ISG20: variants seen among roughly 807,000 people sequenced by gnomAD.
The protein encoded by ISG20 is interferon-stimulated gene 20 kDa protein.
In ISG20, 8 loss-of-function variants were observed where a neutral mutation model predicts 11.1. The observed-to-expected ratio is 0.72, with a 90% confidence interval of 0.42 to 1.30. The LOEUF (loss-of-function observed/expected upper bound fraction) is 1.30. Ranked by LOEUF, ISG20 falls within the 50% of genes most tolerant of loss-of-function variation. The pLI, the probability that ISG20 is intolerant of heterozygous loss-of-function variation, is 0.01. For synonymous variants in ISG20, 110 were observed against 101.7 expected, an observed-to-expected ratio of 1.08 and a Z score of -0.49; for missense variants, 243 against 250.2, an observed-to-expected ratio of 0.97 and a Z score of 0.19.
chr15:88,648,261 G>A (rs984372555), intron 2 of ISG20: 3 of 152,298 alleles, frequency 2.0e-5, no homozygotes, highest in Non-Finnish European at 4.4e-5. Flanking sequence ...GCTCTGGACT[G>A]CTCAGCGGGA....
chr15:88,655,780 C>G lies in ISG20; in HGVS notation c.*249C>G. The G allele has an allele frequency of 2.8e-6, 1 of 353,850 alleles. No homozygotes were observed. 21.9% of individuals were successfully genotyped at this position (353,850 alleles called of 1,614,324 possible). ...GGGCAAGTATCAATTTCCTTAATAT[C>G]TTGAATCCTGTGGGTCCAAAATGTG... is the stretch of plus-strand genomic sequence containing the variant. On this transcript the variant is annotated 3_prime_UTR_variant, in exon 4 of 4. Coordinates refer to ENST00000306072, the MANE Select transcript of ISG20 (RefSeq NM_002201.6).
chr15:88,639,728 C>G lies in ISG20; in HGVS notation c.228+134C>G. ...TCCCACACTGCTGTTGGGAGAAAGC[C>G]GGTGGTGTCTCCATCACATCCTGGA... On this transcript the variant is annotated intron_variant, in intron 2 of 3. Coordinates refer to ENST00000306072, the MANE Select transcript of ISG20 (RefSeq NM_002201.6). This position sits in a 1 kb window ranked among gnomAD's most constrained non-coding sequence, Gnocchi z 4.2. 1 of 682,772 alleles carries G rather than the reference C, an allele frequency of 1.5e-6. No homozygotes were observed. The highest frequency in any genetic ancestry group is 1.8e-5 in the South Asian group (1 of 55,030). The allele number at this position is 682,772 out of a possible 1,614,324, so 42.3% of individuals were successfully genotyped here.
intron 3 of ISG20, 33 bp from the exon 4 acceptor site, chr15:88,655,382 T>C: frequency 6.3e-7 from 1 of 1,595,320 alleles, no homozygotes; most frequent in African/African-American, 1.3e-5. Flanking sequence ...TTCAGCCTCA[T>C]CCCAAGTCCC....
At chr15:88,654,210 A>C (rs2058336230) in intron 3 of ISG20, among the ~76,000 whole-genome samples, 1 of 151,758 alleles carries the variant, frequency 6.6e-6, no homozygotes, top group Admixed American at 6.6e-5. Flanking sequence ...AGAACACATA[A>C]CCTCCCTGTG....
chr15:88,641,701 G>T (rs559860342), intron 2 of ISG20, among the ~76,000 whole-genome samples: 13 of 152,134 alleles, frequency 8.5e-5, no homozygotes, highest in African/African-American at 3.1e-4. Flanking sequence ...GCAGGATCTG[G>T]GCTCACTGCA....
intron 2 of ISG20, among the ~76,000 whole-genome samples, chr15:88,644,363 G>A (rs536298418): frequency 2.6e-5 from 4 of 151,610 alleles, no homozygotes; most frequent in Admixed American, 6.6e-5. Context: ...GTGAAACCCC[G>A]TCTCTACTAA....
rs568566734 is a variant in ISG20 at position 88,646,234 on chromosome 15, C to G, written c.229-5876C>G. ...AGATGATTAAATAGTACAGGTGTAT[C>G]CAGCCCTGTGGCCCAGGTGCTATTC... On this transcript the variant is annotated intron_variant, in intron 2 of 3. Coordinates refer to ENST00000306072, the MANE Select transcript of ISG20 (RefSeq NM_002201.6). Among the ~76,000 whole-genome samples the G allele has an allele frequency of 4.6e-5, 7 of 152,336 alleles. No individual in the cohort carries two copies. In the South Asian group the frequency reaches 1.4e-3, roughly 32 times the overall value.
At position 88,639,691 on chromosome 15, in the gene ISG20, A is replaced by C. The variant is rs2058049031; in HGVS notation, c.228+97A>C. ...GTGCCCATCTGTGACCTGTGACCCC[A>C]CTTGTAAGATTTCCCACACTGCTGT... On this transcript the variant is annotated intron_variant, in intron 2 of 3. Transcript: ENST00000306072. The surrounding 1 kb of genome is among the most constrained non-coding windows in gnomAD (Gnocchi z 4.2). 2.2e-6 allele frequency: 2 copies of C among 919,188 alleles called. No individual in the cohort carries two copies. Among genetic ancestry groups the C allele is most frequent in the Admixed American group, 4.6e-5 (2 of 43,180 alleles). 56.9% of individuals were successfully genotyped at this position (919,188 alleles called of 1,614,324 possible). A position where few individuals can be genotyped will look rare whatever the true frequency, so the allele number is the denominator to read the frequency against.
chr15:88,639,080 A>G lies in ISG20; in HGVS notation c.-25+4A>G, dbSNP rs1435512708. On this transcript the variant is annotated splice_donor_region_variant and intron_variant, in intron 1 of 3. Coordinates refer to ENST00000306072, the MANE Select transcript of ISG20 (RefSeq NM_002201.6). This position sits in a 1 kb window ranked among gnomAD's most constrained non-coding sequence, Gnocchi z 4.2. ...CTGAGGGCGCAGAGGCAGGCAGGTG[A>G]GAGCGGGAGCTGGAGCAGCAGCTGG... is the stretch of plus-strand genomic sequence containing the variant. The G allele has an allele frequency of 1.1e-5, 6 of 527,698 alleles. No homozygotes were observed. The highest frequency in any genetic ancestry group is 6.7e-6 in the Non-Finnish European group (2 of 296,394). 32.7% of individuals were successfully genotyped at this position (527,698 alleles called of 1,614,324 possible). A position where few individuals can be genotyped will look rare whatever the true frequency, so the allele number is the denominator to read the frequency against.
intron 2 of ISG20, among the ~76,000 whole-genome samples, chr15:88,640,590 A>ATAGTAGT (rs2141388795): frequency 6.6e-6 from 1 of 152,314 alleles, no homozygotes; most frequent in Admixed American, 6.5e-5. Flanking sequence ...AAGAAGGATA[A>ATAGTAGT]TAGTAGTAGC....
intron 2 of ISG20, chr15:88,651,324 C>T (rs1036472459): frequency 2.1e-6 from 2 of 971,584 alleles, no homozygotes; most frequent in Admixed American, 6.2e-5. Context: ...AGGAAGCCAT[C>T]AACTTAGTGA....
Position 88,639,572 on chromosome 15 carries a change from C to A in ISG20, c.206C>A (p.Pro69Gln), listed in dbSNP as rs1419971028. The change falls in exon 2 of 4, where the codon CCA becomes CAA. Residue 69 changes from proline to glutamine, a missense_variant. Pro to Gln is a moderately conservative substitution (Grantham distance 76). Transcript: ENST00000306072. The surrounding 1 kb of genome is among the most constrained non-coding windows in gnomAD (Gnocchi z 4.2). ...CCTCAGCACATGGTGGGGGCCACAC[C>A]ATTTGCCGTGGCCAGGCTAGAGGTG... ...VTPQHMVGATPFAVARLEILQ... is the reference protein window; with the variant it reads ...VTPQHMVGATQFAVARLEILQ... 1.2e-6 allele frequency: 2 copies of A among 1,614,040 alleles called. No homozygotes were observed. The highest frequency in any genetic ancestry group is 2.7e-5 in the African/African-American group (2 of 74,928).
rs1302714693 is a variant in ISG20, at chr15:88,650,129, A to C, written c.229-1981A>C. 5.5e-6 allele frequency: 5 copies of C among 909,342 alleles called. No homozygotes were observed. The East Asian group carries it at 7.9e-5, about 14-fold the overall frequency. The allele number at this position is 909,342 out of a possible 1,614,324, so 56.3% of individuals were successfully genotyped here. Reference sequence around the variant, plus strand: ...TGTACAGGCTAAGGTCGTGGGCTACATGCAGAGAAGGAGACGAAGGCTGTC... The same window carrying C: ...TGTACAGGCTAAGGTCGTGGGCTACCTGCAGAGAAGGAGACGAAGGCTGTC... On this transcript the variant is annotated intron_variant, in intron 2 of 3. Transcript: ENST00000306072. The surrounding 1 kb of genome is among the most constrained non-coding windows in gnomAD (Gnocchi z 4.0).
rs763059762 is a variant in ISG20 at position 88,639,817 on chromosome 15, C to G, written c.228+223C>G. 1.3e-4 allele frequency among the ~76,000 whole-genome samples: 20 copies of G among 152,208 alleles called. No homozygotes were observed. The highest frequency in any genetic ancestry group is 2.6e-4 in the Non-Finnish European group (18 of 68,036). On this transcript the variant is annotated intron_variant, in intron 2 of 3. Transcript: ENST00000306072. The surrounding 1 kb of genome is among the most constrained non-coding windows in gnomAD (Gnocchi z 4.2). ...TGGAAGCCGCCTTTGGGGCATCTAT[C>G]TGGATCTGGTCCAACTTGCCGGTCT...
At position 88,650,063 on chromosome 15, in the gene ISG20, G is replaced by C. The variant is rs1437193804; in HGVS notation, c.229-2047G>C. 1 of 608,462 alleles carries C rather than the reference G, an allele frequency of 1.6e-6. No individual in the cohort carries two copies. Among genetic ancestry groups the C allele is most frequent in the Non-Finnish European group, 2.9e-6 (1 of 339,252 alleles). 37.7% of individuals were successfully genotyped at this position (608,462 alleles called of 1,614,324 possible). On this transcript the variant is annotated intron_variant, in intron 2 of 3. Coordinates refer to ENST00000306072, the MANE Select transcript of ISG20 (RefSeq NM_002201.6). This position sits in a 1 kb window ranked among gnomAD's most constrained non-coding sequence, Gnocchi z 4.0. Reference sequence around the variant, plus strand: ...GCTGGCTATCTAGAAGGAGAAGCAGGCTACGGGGAAGGTGTTAGGCACCAG... The same window carrying C: ...GCTGGCTATCTAGAAGGAGAAGCAGCCTACGGGGAAGGTGTTAGGCACCAG...
At chr15:88,655,307 G>A (rs2058355554) in intron 3 of ISG20, 108 bp from the exon 4 acceptor site, 15 of 972,538 alleles carry the variant, frequency 1.5e-5, no homozygotes, top group Non-Finnish European at 2.4e-5. Flanking sequence ...CTCACCCACT[G>A]ACCCACCTGG....
upstream of ISG20, chr15:88,637,314 G>T (rs2057999682): frequency 6.7e-6 from 1 of 148,238 alleles, no homozygotes; most frequent in South Asian, 2.2e-4. Flanking sequence ...TCTGGAAACT[G>T]CCTGGAGTTG....
chr15:88,636,885 A>G (rs1389826486), upstream of ISG20, among the ~76,000 whole-genome samples: 2 of 152,122 alleles, frequency 1.3e-5, no homozygotes, highest in Admixed American at 6.5e-5. Flanking sequence ...ACGTCATGGA[A>G]TGGGAGCAAT....
At chr15:88,649,428 T>G (rs1196114631) in intron 2 of ISG20, 1 of 152,314 alleles carries the variant, frequency 6.6e-6, no homozygotes, top group East Asian at 1.9e-4. Context: ...CTTCTACGTC[T>G]GTGCCCAGCT....
Sources: gnomAD v4.1 joint callset for allele counts (sites outside exome capture counted in the v4.1 genomes callset) on GRCh38, gnomAD v4.1.1 for gene constraint, Gnocchi (gnomAD v3.1) non-coding constraint, MANE v1.5 for transcripts, NCBI Gene and HGNC (gene_info 2026-07-23, HGNC 2026-07-21) for gene names.